POGZ: variants seen among roughly 807,000 people sequenced by gnomAD.
The protein encoded by POGZ is pogo transposable element derived with ZNF domain.
POGZ carries 17 observed loss-of-function variants against 134.6 expected under a neutral mutation model. The observed-to-expected ratio is 0.13, with a 90% confidence interval of 0.09 to 0.19. POGZ has a LOEUF of 0.19. POGZ is among the 10% of genes least tolerant of loss of function. POGZ has a pLI of 1.00. For missense variants in POGZ, 1,306 were observed against 1,769.7 expected (o/e 0.74, Z 4.70); for synonymous variants, 693 against 657.1 (o/e 1.05, Z -0.84).
Position 151,406,148 on chromosome 1 carries a change from C to T in POGZ, c.2887G>A (p.Gly963Ser). The change falls in exon 19 of 19, where the codon GGT (glycine) becomes AGT (serine). Residue 963 changes from glycine to serine, a missense_variant. Physicochemically the swap from Gly to Ser is moderately conservative, Grantham distance 56. This residue lies in a region of POGZ where 214 missense variants were observed against 255.5 expected (regional missense o/e 0.84). Coordinates refer to ENST00000271715, the MANE Select transcript of POGZ (RefSeq NM_015100.4). Reference sequence around the variant, plus strand: ...TCCTTTTTGCCAACTCCACCACTACCACCACCACCTGATGCTAGCTCAGGT... The same window carrying T: ...TCCTTTTTGCCAACTCCACCACTACTACCACCACCTGATGCTAGCTCAGGT... Reference protein sequence around the residue: ...QEPELASGGGGSGGVGKKEQL... With the variant: ...QEPELASGGGSSGGVGKKEQL... 6.2e-7 allele frequency: 1 copy of T among 1,614,110 alleles called. No homozygotes were observed. Among genetic ancestry groups the T allele is most frequent in the South Asian group, 1.1e-5 (1 of 91,080 alleles).
intron 1 of POGZ, among the ~76,000 whole-genome samples, chr1:151,451,383 A>G (rs1027315483): frequency 2.0e-5 from 3 of 151,708 alleles, no homozygotes; most frequent in Non-Finnish European, 2.9e-5. Context: ...CTGGAGCCCA[A>G]TGGCGCGATC....
chr1:151,434,856 C>T lies in POGZ; in HGVS notation c.284-4015G>A, dbSNP rs201838064. On this transcript the variant is annotated intron_variant, in intron 3 of 18. Coordinates refer to ENST00000271715, the MANE Select transcript of POGZ (RefSeq NM_015100.4). The stretch of plus-strand genomic sequence containing the variant: ...CTTGCACATAAATCAAAGAATTATG[C>T]AACTAACTTTCTCCCTCTAAGTTTG... Among the ~76,000 whole-genome samples, 10 of 152,026 alleles carry T rather than the reference C, an allele frequency of 6.6e-5. No individual in the cohort carries two copies. The East Asian group carries it at 1.9e-3, about 29-fold the overall frequency.
At chr1:151,428,848 C>G (rs1658208133) in intron 5 of POGZ, among the ~76,000 whole-genome samples, 1 of 152,168 alleles carries the variant, frequency 6.6e-6, no homozygotes, top group Non-Finnish European at 1.5e-5. Context: ...CTATGCCATT[C>G]TACTAGGATG....
Position 151,430,860 on chromosome 1 carries a change from A to T in POGZ, c.284-19T>A. 6.7e-7 allele frequency: 1 copy of T among 1,487,326 alleles called. No individual in the cohort carries two copies. The highest frequency in any genetic ancestry group is 8.9e-7 in the Non-Finnish European group (1 of 1,120,776). The allele number at this position is 1,487,326 out of a possible 1,614,324, so 92.1% of individuals were successfully genotyped here. ...TTGCCAGCTAAAGGGTAAAGGAAGA[A>T]AAAAAAAAAGGAATGTTAGAAACAA... On this transcript the variant is annotated intron_variant, in intron 3 of 18. Coordinates refer to ENST00000271715, the MANE Select transcript of POGZ (RefSeq NM_015100.4).
At position 151,407,222 on chromosome 1, in the gene POGZ, A is replaced by C. The variant is rs528154408; in HGVS notation, c.2432+13T>G. 9 of 1,572,844 alleles carry C rather than the reference A, an allele frequency of 5.7e-6. No homozygotes were observed. The highest frequency in any genetic ancestry group is 7.8e-6 in the Non-Finnish European group (9 of 1,151,824). On this transcript the variant is annotated intron_variant, in intron 16 of 18. Coordinates refer to ENST00000271715, the MANE Select transcript of POGZ (RefSeq NM_015100.4). The stretch of plus-strand genomic sequence containing the variant: ...CTGAAAAATTAAGATGCTGCCAATA[A>C]GTTTTTTCTTACCTCACAGAATTTT...
intron 15 of POGZ, among the ~76,000 whole-genome samples, chr1:151,407,525 A>G (rs1171466014): frequency 6.6e-6 from 1 of 152,244 alleles, no homozygotes; most frequent in Non-Finnish European, 1.5e-5. Flanking sequence ...GCTGAGAGTC[A>G]GCATTTCTAA....
intron 1 of POGZ, among the ~76,000 whole-genome samples, chr1:151,444,830 T>A (rs1311615857): frequency 6.6e-6 from 1 of 152,230 alleles, no homozygotes; most frequent in South Asian, 2.1e-4. Flanking sequence ...CCAGCTTGGG[T>A]AGCACAGCAA....
intron 1 of POGZ, among the ~76,000 whole-genome samples, chr1:151,458,538 C>T (rs1446449700): frequency 1.3e-5 from 2 of 151,532 alleles, no homozygotes; most frequent in Admixed American, 1.3e-4. Flanking sequence ...AACGAGCGCC[C>T]CACTCCTTCT....
chr1:151,436,486 C>T (rs1659610973), intron 3 of POGZ, among the ~76,000 whole-genome samples: 1 of 151,964 alleles, frequency 6.6e-6, no homozygotes, highest in Non-Finnish European at 1.5e-5. Context: ...TCTTGTTGCC[C>T]AGGCTGGAGT....
chr1:151,449,897 CAA>C (rs1318570582), intron 1 of POGZ, among the ~76,000 whole-genome samples: 4 of 152,010 alleles, frequency 2.6e-5, no homozygotes, highest in Non-Finnish European at 5.9e-5. Flanking sequence ...AAAAACTCTG[CAA>C]GAGAGCAGAA....
intron 10 of POGZ, among the ~76,000 whole-genome samples, chr1:151,422,418 T>C (rs907589317): frequency 4.6e-5 from 7 of 152,208 alleles, no homozygotes; most frequent in Admixed American, 2.6e-4. Context: ...ATCCTCACTA[T>C]GTATCCCCAG....
chr1:151,439,085 G>T (rs907399744), intron 3 of POGZ: 2 of 151,656 alleles, frequency 1.3e-5, no homozygotes, highest in African/African-American at 4.8e-5. Flanking sequence ...TGCTAAATTT[G>T]ACTGGCTTAA....
intron 1 of POGZ, among the ~76,000 whole-genome samples, chr1:151,452,113 A>AC (rs1557954953): frequency 7.1e-6 from 1 of 141,038 alleles, no homozygotes; most frequent in Admixed American, 7.4e-5. Flanking sequence ...AAAAAAAAAA[A>AC]AAAAAAAAAG....
At chr1:151,428,683 A>T (rs1658170964) in intron 5 of POGZ, among the ~76,000 whole-genome samples, 1 of 152,326 alleles carries the variant, frequency 6.6e-6, no homozygotes, top group African/African-American at 2.4e-5. Flanking sequence ...CTAAGAATAC[A>T]ATCAGTGGCT....
At chr1:151,445,266 A>C (rs1661103468) in intron 1 of POGZ, among the ~76,000 whole-genome samples, 1 of 152,176 alleles carries the variant, frequency 6.6e-6, no homozygotes, top group Admixed American at 6.5e-5. Flanking sequence ...TCACATCTGT[A>C]ATCTCAACAC....
Position 151,403,553 on chromosome 1 carries a change from T to C in POGZ, c.*1249A>G. The stretch of plus-strand genomic sequence containing the variant: ...GTTTTGGTTTACAACCATGAGTACA[T>C]ACAATTAAAAAAATCCCTCATGCAA... On this transcript the variant is annotated 3_prime_UTR_variant, in exon 19 of 19. Coordinates refer to ENST00000271715, the MANE Select transcript of POGZ (RefSeq NM_015100.4). The C allele has an allele frequency of 2.0e-6, 2 of 985,618 alleles. No individual in the cohort carries two copies. Among genetic ancestry groups the C allele is most frequent in the Non-Finnish European group, 1.2e-6 (1 of 829,694 alleles). The allele number at this position is 985,618 out of a possible 1,614,324, so 61.1% of individuals were successfully genotyped here.
At chr1:151,458,653 C>A (rs1034567482) in intron 1 of POGZ, among the ~76,000 whole-genome samples, 1 of 145,928 alleles carries the variant, frequency 6.9e-6, no homozygotes, top group Non-Finnish European at 1.5e-5. Flanking sequence ...GCCGGCCCCT[C>A]CCGCCGCGCC....
At position 151,428,533 on chromosome 1, in the gene POGZ, A is replaced by G. The variant is rs926935890; in HGVS notation, c.569-120T>C. On this transcript the variant is annotated intron_variant, in intron 5 of 18. Transcript: ENST00000271715. ...GATGGATGATCATCAGAGGTTTCCA[A>G]GAGGAGTATAGATTCTAAAGACTAA... 15 of 857,860 alleles carry G rather than the reference A, an allele frequency of 1.7e-5. No homozygotes were observed. In the East Asian group the frequency reaches 1.9e-4, roughly 11 times the overall value. The allele number at this position is 857,860 out of a possible 1,614,324, so 53.1% of individuals were successfully genotyped here.
chr1:151,455,103 T>A (rs1437909516), intron 1 of POGZ: 1 of 147,236 alleles, frequency 6.8e-6, no homozygotes, highest in South Asian at 2.1e-4. Context: ...CGAGACTCCA[T>A]CTCAAAAAAA....
Sources: gnomAD v4.1 joint callset for allele counts (sites outside exome capture counted in the v4.1 genomes callset) on GRCh38, gnomAD v4.1.1 for gene constraint, gnomAD v4.1.1 regional missense constraint, MANE v1.5 for transcripts, NCBI Gene and HGNC (gene_info 2026-07-23, HGNC 2026-07-21) for gene names.